The following FOCAD variants were observed in gnomAD, a reference collection of about 807,000 sequenced individuals.
FOCAD encodes the protein KIAA1797.
In FOCAD, 198 loss-of-function variants were observed where a neutral mutation model predicts 225.6. That is an observed-to-expected ratio of 0.88 (90% confidence interval 0.78 to 0.99). The LOEUF is 0.99. FOCAD is among the 50% of genes least tolerant of loss of function. The pLI is 0.00. For missense variants in FOCAD, 2,713 were observed against 2,123.6 expected (o/e 1.28, Z -5.46); for synonymous variants, 897 against 755.0 (o/e 1.19, Z -3.08).
intron 11 of FOCAD, among the ~76,000 whole-genome samples, chr9:20,818,032 A>G (rs888357670): frequency 2.6e-5 from 4 of 152,152 alleles, no homozygotes; most frequent in African/African-American, 9.7e-5. Context: ...ATTTCTTCAC[A>G]TATTCGGCAA....
intron 7 of FOCAD, among the ~76,000 whole-genome samples, chr9:20,767,626 T>C (rs998688305): frequency 6.0e-5 from 9 of 148,790 alleles, no homozygotes; most frequent in Non-Finnish European, 1.3e-4. Flanking sequence ...ATGTCTTCTT[T>C]TGAGAAGTGT....
rs10652100 is a variant in FOCAD, at chr9:20,791,237, T to TCACACACA, written c.1455+1648_1455+1655dup. Among the ~76,000 whole-genome samples, 125 of 148,590 alleles carry TCACACACA rather than the reference T, an allele frequency of 8.4e-4. 2 individuals carry two copies. The highest frequency in any genetic ancestry group is 2.8e-3 in the South Asian group (13 of 4,658). ...TATGCATGCACACACACACACACAC[T>TCACACACA]CACACACACACACACACACACACAC... On this transcript the variant is annotated intron_variant, in intron 11 of 43. Transcript: ENST00000338382.
intron 35 of FOCAD, among the ~76,000 whole-genome samples, chr9:20,963,491 A>G (rs1167082503): frequency 6.6e-6 from 1 of 152,156 alleles, no homozygotes; most frequent in Non-Finnish European, 1.5e-5. Context: ...GATTCTCTCA[A>G]AGTGCCTGGA....
intron 37 of FOCAD, among the ~76,000 whole-genome samples, chr9:20,979,284 C>T (rs753477001): frequency 7.9e-5 from 12 of 152,246 alleles, no homozygotes; most frequent in Admixed American, 4.6e-4. Context: ...GTGCAAAGCC[C>T]TCTTATCATT....
At chr9:20,705,842 A>G (rs899790665) in intron 1 of FOCAD, among the ~76,000 whole-genome samples, 5 of 151,684 alleles carry the variant, frequency 3.3e-5, no homozygotes, top group African/African-American at 9.7e-5. Flanking sequence ...TATATTTAGC[A>G]TATACATATC....
chr9:20,778,535 T>C (rs1262468054), intron 8 of FOCAD, 146 bp from the exon 9 acceptor site: 5 of 518,526 alleles, frequency 9.6e-6, no homozygotes, highest in Non-Finnish European at 1.4e-5. Context: ...ATTCTTTCTT[T>C]AGTAGAGCAC....
At position 20,748,605 on chromosome 9, in the gene FOCAD, A is replaced by G. The variant is rs141819677; in HGVS notation, c.392+8265A>G. Among the ~76,000 whole-genome samples the G allele has an allele frequency of 9.8e-3, 1,495 of 152,276 alleles. 27 individuals are homozygous for G. The highest frequency in any genetic ancestry group is 0.034 in the African/African-American group (1,432 of 41,572). Reference sequence around the variant, plus strand: ...TCAGATTCACTCCTGAAAAAGCCCAATGGAGTTAAGGATAAAGAGGAAGGT... The same window carrying G: ...TCAGATTCACTCCTGAAAAAGCCCAGTGGAGTTAAGGATAAAGAGGAAGGT... On this transcript the variant is annotated intron_variant, in intron 5 of 43. Coordinates refer to ENST00000338382, the MANE Select transcript of FOCAD (RefSeq NM_001375567.1).
intron 5 of FOCAD, among the ~76,000 whole-genome samples, chr9:20,745,077 C>G (rs1230719476): frequency 6.6e-6 from 1 of 151,740 alleles, no homozygotes; most frequent in Non-Finnish European, 1.5e-5. Flanking sequence ...TAGAACCCCT[C>G]TTTTGTGTAA....
intron 15 of FOCAD, among the ~76,000 whole-genome samples, chr9:20,849,122 A>G (rs1827404282): frequency 6.6e-6 from 1 of 152,006 alleles, no homozygotes; most frequent in African/African-American, 2.4e-5. Flanking sequence ...AAGCCAATAT[A>G]CTTTTCCAGT....
intron 2 of FOCAD, among the ~76,000 whole-genome samples, chr9:20,666,269 A>G (rs1483635263): frequency 1.3e-5 from 2 of 152,186 alleles, no homozygotes; most frequent in Admixed American, 1.3e-4. Context: ...TATTACATAT[A>G]GCATGAATAA....
intron 24 of FOCAD, 63 bp downstream of exon 24, chr9:20,917,000 A>G: frequency 1.5e-6 from 2 of 1,321,996 alleles, no homozygotes; most frequent in Non-Finnish European, 1.0e-6. Context: ...GCAGGTACAT[A>G]CATTTTCTCC....
At chr9:20,946,086 TTC>T (rs879728192) in intron 29 of FOCAD, among the ~76,000 whole-genome samples, 33,346 of 87,368 alleles carry the variant, frequency 0.38, 4,006 homozygotes, top group Middle Eastern at 0.45. Context: ...TATTTATTCA[TTC>T]ATTCATTCAT....
intron 21 of FOCAD, among the ~76,000 whole-genome samples, chr9:20,897,898 C>G (rs1000627018): frequency 1.3e-5 from 2 of 151,806 alleles, no homozygotes; most frequent in Non-Finnish European, 2.9e-5. Context: ...CCTAAAAAAA[C>G]TTTAAACATT....
At chr9:20,979,391 T>A (rs1247994018) in intron 37 of FOCAD, among the ~76,000 whole-genome samples, 1 of 152,200 alleles carries the variant, frequency 6.6e-6, no homozygotes, top group Non-Finnish European at 1.5e-5. Flanking sequence ...CAGGCTGGAG[T>A]GCAGTGGCAG....
At chr9:20,880,346 G>A (rs1830565436) in intron 19 of FOCAD, among the ~76,000 whole-genome samples, 1 of 152,096 alleles carries the variant, frequency 6.6e-6, no homozygotes, top group Non-Finnish European at 1.5e-5. Flanking sequence ...GTGCCTAAGG[G>A]GAGCCAAGAC....
At chr9:20,960,663 C>G (rs1838621090) in intron 35 of FOCAD, among the ~76,000 whole-genome samples, 1 of 151,760 alleles carries the variant, frequency 6.6e-6, no homozygotes, top group South Asian at 2.1e-4. Flanking sequence ...TATACATGTG[C>G]CATATTGGTG....
intron 8 of FOCAD, among the ~76,000 whole-genome samples, chr9:20,773,853 A>G (rs7026800): frequency 0.022 from 3,369 of 152,064 alleles, 140 homozygotes; most frequent in African/African-American, 0.075. Context: ...GCTGATTGCA[A>G]CCGTATGGTG....
At chr9:20,845,657 G>A (rs1464990106) in intron 15 of FOCAD, among the ~76,000 whole-genome samples, 1 of 151,820 alleles carries the variant, frequency 6.6e-6, no homozygotes, top group Non-Finnish European at 1.5e-5. Flanking sequence ...GGGGCTGCCG[G>A]TCCAAGGATG....
intron 43 of FOCAD, 120 bp from the exon 44 acceptor site, chr9:20,995,436 C>T (rs1012175912): frequency 1.3e-5 from 7 of 546,456 alleles, no homozygotes; most frequent in Admixed American, 6.3e-5. Flanking sequence ...GCCAAAATAT[C>T]GATGGAACTC....
Sources: gnomAD v4.1 joint callset for allele counts (sites outside exome capture counted in the v4.1 genomes callset) on GRCh38, gnomAD v4.1.1 for gene constraint, MANE v1.5 for transcripts, NCBI Gene and HGNC (gene_info 2026-07-23, HGNC 2026-07-21) for gene names.